Variants in MAK observed in about 807,000 individuals in gnomAD.
MAK encodes the protein serine/threonine-protein kinase MAK.
MAK carries 65 observed loss-of-function variants against 82.6 expected under a neutral mutation model. That is an observed-to-expected ratio of 0.79 (90% CI 0.64 to 0.97). The LOEUF (loss-of-function observed/expected upper bound fraction) is 0.97. MAK is among the 50% of genes least tolerant of loss of function. The pLI is 0.00. For synonymous variants in MAK, 250 were observed against 274.2 expected (o/e 0.91, Z 0.87); for missense variants, 703 against 780.2 (o/e 0.90, Z 1.18).
chr6:10,785,258 T>G (rs1774435509), intron 10 of MAK, among the ~76,000 whole-genome samples: 1 of 152,220 alleles, frequency 6.6e-6, no homozygotes, highest in Non-Finnish European at 1.5e-5. Flanking sequence ...TCCCGAGGCC[T>G]GTCCCTGAGG....
In MAK at chr6:10,775,338, C is replaced by T; in HGVS notation, c.1587G>A (p.Arg529=). The T allele has an allele frequency of 6.2e-7, 1 of 1,613,556 alleles. No homozygotes were observed. The highest frequency in any genetic ancestry group is 8.5e-7 in the Non-Finnish European group (1 of 1,179,634). Residue 529 remains arginine, a synonymous_variant, in exon 12 of 15, where the codon AGG becomes AGA. Transcript: ENST00000354489. ...GPVGAELAFK[R]SNAEESIIKP... ...GTATTCTTGCGTTACCTGCATTGCT[C>T]CTTTTGAAAGCAAGTTCTGCCCCAA...
rs1772110088 is a variant in MAK at position 10,763,349 on chromosome 6, A to G, written c.*1103T>C. ...TCCAATGAACCAGCATCAAACAAAC[A>G]CAGTTTCCAGAACTTTCTTAATGAT... is the stretch of plus-strand genomic sequence containing the variant. On this transcript the variant is annotated 3_prime_UTR_variant, in exon 15 of 15. Transcript: ENST00000354489. 1 of 152,086 alleles carries G rather than the reference A, an allele frequency of 6.6e-6. No individual in the cohort carries two copies. The highest frequency in any genetic ancestry group is 2.4e-5 in the African/African-American group (1 of 41,382). 9.4% of individuals were successfully genotyped at this position (152,086 alleles called of 1,614,324 possible). A position where few individuals can be genotyped will look rare whatever the true frequency, so the allele number is the denominator to read the frequency against.
At chr6:10,766,534 G>A (rs143101116) in intron 14 of MAK, among the ~76,000 whole-genome samples, 22 of 152,332 alleles carry the variant, frequency 1.4e-4, no homozygotes, top group African/African-American at 5.3e-4. Context: ...GGGACAATGT[G>A]TCTACAAGGG....
At chr6:10,781,008 C>T (rs530412966) in intron 11 of MAK, among the ~76,000 whole-genome samples, 4 of 152,300 alleles carry the variant, frequency 2.6e-5, no homozygotes, top group Admixed American at 2.6e-4. Context: ...ACTCCTCTCC[C>T]ACCTTCCTAA....
At chr6:10,780,209 A>G (rs1245005074) in intron 11 of MAK, 25 of 950,036 alleles carry the variant, frequency 2.6e-5, no homozygotes, top group South Asian at 4.9e-5. Context: ...TACTTTTTAA[A>G]TCTCAATTAT....
At chr6:10,765,421 T>C (rs112170589) in intron 14 of MAK, among the ~76,000 whole-genome samples, 161 of 151,360 alleles carry the variant, frequency 1.1e-3, no homozygotes, top group African/African-American at 3.8e-3. Flanking sequence ...AACATTAAAA[T>C]GTGGGTTTTA....
At chr6:10,785,179 T>TA (rs1774428861) in intron 10 of MAK, among the ~76,000 whole-genome samples, 1 of 152,192 alleles carries the variant, frequency 6.6e-6, no homozygotes, top group African/African-American at 2.4e-5. Flanking sequence ...TGTTGGTCCC[T>TA]AACTCCCACA....
In MAK at chr6:10,768,995, C is replaced by T. The variant is rs377608233; in HGVS notation, c.1792+1116G>A. On this transcript the variant is annotated intron_variant, in intron 14 of 14. Coordinates refer to ENST00000354489, the MANE Select transcript of MAK (RefSeq NM_001242957.3). ...GAGGCCAAGGTGGGAGGATTGCTTG[C>T]GCCCACGAGTCAAGATCCAGCTTGG... 2.5e-4 allele frequency among the ~76,000 whole-genome samples: 38 copies of T among 152,240 alleles called. No homozygotes were observed. The South Asian group carries it at 6.0e-3, about 24-fold the overall frequency.
At chr6:10,811,882 G>A (rs1160643247) in intron 5 of MAK, among the ~76,000 whole-genome samples, 1 of 151,740 alleles carries the variant, frequency 6.6e-6, no homozygotes, top group East Asian at 1.9e-4. Flanking sequence ...TAGCAGTTAA[G>A]AAAATAAAAA....
At chr6:10,784,795 C>A (rs2127533365) in intron 10 of MAK, 7 of 669,060 alleles carry the variant, frequency 1.0e-5, no homozygotes, top group South Asian at 9.0e-5. Flanking sequence ...GTGACAGGAA[C>A]CTTTATAACT....
rs1370302462 is a variant in MAK, at chr6:10,808,902, A to C, written c.399T>G (p.Cys133Trp). ...CAATTTTCACAAGCTCTGGACCCATACAAAGCAAGTTTTCTGGTTTCATGT... is the reference window on the plus strand; with the variant it reads ...CAATTTTCACAAGCTCTGGACCCATCCAAAGCAAGTTTTCTGGTTTCATGT... ...HRDMKPENLLCMGPELVKIAD... is the reference protein window; with the variant it reads ...HRDMKPENLLWMGPELVKIAD... The change falls in exon 6 of 15, where the codon TGT becomes TGG. Residue 133 changes from cysteine to tryptophan, a missense_variant. Coordinates refer to ENST00000354489, the MANE Select transcript of MAK (RefSeq NM_001242957.3). 6.2e-7 allele frequency: 1 copy of C among 1,613,916 alleles called. No individual in the cohort carries two copies. The highest frequency in any genetic ancestry group is 8.5e-7 in the Non-Finnish European group (1 of 1,179,844).
intron 11 of MAK, among the ~76,000 whole-genome samples, chr6:10,782,265 CTATT>C (rs1478827730): frequency 1.4e-4 from 21 of 150,776 alleles, no homozygotes; most frequent in African/African-American, 5.1e-4. Flanking sequence ...CACACCAAAA[CTATT>C]TAACCTATTT....
At position 10,808,912 on chromosome 6, in the gene MAK, T is replaced by A; in HGVS notation, c.389A>T (p.Asn130Ile). ...GFFHRDMKPE[N>I]LLCMGPELVK... ...AAGCTCTGGACCCATACAAAGCAAG[T>A]TTTCTGGTTTCATGTCCCTATGAAA... The change falls in exon 6 of 15, where the codon AAC (asparagine) becomes ATC (isoleucine). Residue 130 changes from asparagine (N) to isoleucine (I), a missense_variant. By Grantham distance (149) the Asn-to-Ile change is moderately radical. Transcript: ENST00000354489. The A allele has an allele frequency of 6.2e-7, 1 of 1,613,788 alleles. No homozygotes were observed. The highest frequency in any genetic ancestry group is 8.5e-7 in the Non-Finnish European group (1 of 1,179,844).
intron 11 of MAK, 116 bp downstream of exon 11, chr6:10,784,308 G>A: frequency 9.7e-7 from 1 of 1,027,804 alleles, no homozygotes; most frequent in East Asian, 2.4e-5. Context: ...CTACCAAAGA[G>A]CTCTGTGATT....
chr6:10,835,994 C>CG (rs1779125375), intron 1 of MAK, among the ~76,000 whole-genome samples: 1 of 152,196 alleles, frequency 6.6e-6, no homozygotes, highest in African/African-American at 2.4e-5. Context: ...CCCAAGCCTG[C>CG]GTGCACAGTC....
In MAK at chr6:10,776,714, A is replaced by G. The variant is rs1285544488; in HGVS notation, c.1466-1255T>C. 6.6e-6 allele frequency among the ~76,000 whole-genome samples: 1 copy of G among 152,226 alleles called. No individual in the cohort carries two copies. Among genetic ancestry groups the G allele is most frequent in the Admixed American group, 6.5e-5 (1 of 15,278 alleles). On this transcript the variant is annotated intron_variant, in intron 11 of 14. Transcript: ENST00000354489. The surrounding 1 kb of genome is among the most constrained non-coding windows in gnomAD (Gnocchi z 4.3). ...TACCCATTATCAGTTCTCTAAGGAA[A>G]CACTTCATCAGGCAAGTAATTTCCC... is the stretch of plus-strand genomic sequence containing the variant.
chr6:10,787,444 A>G (rs1561950361), intron 10 of MAK, among the ~76,000 whole-genome samples: 2 of 152,222 alleles, frequency 1.3e-5, no homozygotes, highest in African/African-American at 4.8e-5. Flanking sequence ...TGAAGTATGA[A>G]AATTATAAAG....
rs1776190128 is a variant in MAK, at chr6:10,803,707, C to G, written c.663+13G>C. On this transcript the variant is annotated intron_variant, in intron 7 of 14. Coordinates refer to ENST00000354489, the MANE Select transcript of MAK (RefSeq NM_001242957.3). ...ATCAAAAGTTATAGCAACTTAGGGACAAGAGTACTTACTTTTTTGGGAGTC... is the reference window on the plus strand; with the variant it reads ...ATCAAAAGTTATAGCAACTTAGGGAGAAGAGTACTTACTTTTTTGGGAGTC... 1.9e-6 allele frequency: 3 copies of G among 1,608,938 alleles called. No individual in the cohort carries two copies. The highest frequency in any genetic ancestry group is 2.6e-6 in the Non-Finnish European group (3 of 1,175,386).
intron 8 of MAK, among the ~76,000 whole-genome samples, chr6:10,799,626 A>G (rs1304886167): frequency 1.3e-5 from 2 of 152,162 alleles, no homozygotes; most frequent in Admixed American, 1.3e-4. Flanking sequence ...TTAAAAAAGA[A>G]AAATTAGAAA....
Sources: allele counts gnomAD v4.1 joint callset (sites outside exome capture counted in the v4.1 genomes callset), GRCh38; gene constraint gnomAD v4.1.1; non-coding constraint Gnocchi (gnomAD v3.1); transcripts MANE v1.5; gene names NCBI Gene and HGNC (gene_info 2026-07-23, HGNC 2026-07-21).